The following SMC4 variants were observed in gnomAD, a reference collection of about 807,000 sequenced individuals.
The protein encoded by SMC4 is structural maintenance of chromosomes protein 4.
SMC4 carries 87 observed loss-of-function variants against 145.6 expected under a neutral mutation model. The observed-to-expected ratio is 0.60, with a 90% CI of 0.50 to 0.71. The LOEUF (loss-of-function observed/expected upper bound fraction) is 0.71. Ranked by LOEUF, SMC4 falls within the 30% of genes least tolerant of loss-of-function variation. SMC4 has a pLI of 0.00. For missense variants in SMC4, 1,447 were observed against 1,537.1 expected (o/e 0.94, Z 0.98); for synonymous variants, 558 against 500.7 (o/e 1.11, Z -1.53).
intron 19 of SMC4, 80 bp downstream of exon 19, chr3:160,430,823 G>A: frequency 6.8e-7 from 1 of 1,462,290 alleles, no homozygotes; most frequent in Non-Finnish European, 9.2e-7. Context: ...ACAGTGCCTA[G>A]AATGTAGTAA....
chr3:160,423,686 T>TC (rs773862045), intron 14 of SMC4, 36 bp downstream of exon 14: 46 of 1,593,474 alleles, frequency 2.9e-5, no homozygotes, highest in Middle Eastern at 3.4e-4. Flanking sequence ...TGTTTTTTTT[T>TC]CCCCCCACAG....
At chr3:160,408,483 A>G (rs1715597407) in intron 5 of SMC4, among the ~76,000 whole-genome samples, 1 of 152,244 alleles carries the variant, frequency 6.6e-6, no homozygotes, top group African/African-American at 2.4e-5. Context: ...AAATAGAGAT[A>G]ACACTGGGAA....
intron 20 of SMC4, among the ~76,000 whole-genome samples, chr3:160,431,407 T>C (rs1032863085): frequency 1.4e-4 from 22 of 152,170 alleles, no homozygotes; most frequent in Non-Finnish European, 2.8e-4. Context: ...GAGTAACGAT[T>C]AGAATTAGAC....
At chr3:160,423,349 G>GTTTTTTTTT (rs369027493) in intron 13 of SMC4, 76 bp from the exon 14 acceptor site, 2 of 809,794 alleles carry the variant, frequency 2.5e-6, no homozygotes, top group African/African-American at 4.4e-5. Context: ...ATTCCTATGG[G>GTTTTTTTTT]TTTTTTTTTG....
intron 1 of SMC4, 30 bp from the exon 2 acceptor site, chr3:160,400,792 G>T: frequency 6.8e-7 from 1 of 1,479,582 alleles, no homozygotes; most frequent in Non-Finnish European, 8.9e-7. Context: ...CCCGCGGGCT[G>T]ACTTGCTCCC....
intron 11 of SMC4, among the ~76,000 whole-genome samples, chr3:160,418,301 A>G (rs753837440): frequency 2.0e-5 from 3 of 152,250 alleles, no homozygotes; most frequent in Non-Finnish European, 2.9e-5. Context: ...TGAATATACA[A>G]ACAACTATCT....
chr3:160,421,024 G>T (rs753034706), intron 13 of SMC4, 123 bp downstream of exon 13: 51 of 679,560 alleles, frequency 7.5e-5, no homozygotes, highest in Non-Finnish European at 9.6e-5. Flanking sequence ...CCGCCTCCCG[G>T]GTTCACACCA....
chr3:160,403,286 C>T (rs1345806919), intron 4 of SMC4, among the ~76,000 whole-genome samples: 1 of 152,116 alleles, frequency 6.6e-6, no homozygotes, highest in Non-Finnish European at 1.5e-5. Context: ...TTAGTGGCCC[C>T]TGAGTATCTG....
chr3:160,419,605 T>C, intron 12 of SMC4, 62 bp downstream of exon 12: 1 of 1,497,930 alleles, frequency 6.7e-7, no homozygotes, highest in South Asian at 1.3e-5. Context: ...GTAACTTATT[T>C]TTTTGCCTTG....
At chr3:160,401,445 G>A (rs180830709) in intron 2 of SMC4, among the ~76,000 whole-genome samples, 140 of 152,230 alleles carry the variant, frequency 9.2e-4, no homozygotes, top group Admixed American at 2.2e-3. Flanking sequence ...GTGAGTCCAG[G>A]AGTTGGGTGA....
intron 1 of SMC4, 92 bp from the exon 2 acceptor site, chr3:160,400,730 C>A: frequency 7.3e-7 from 1 of 1,373,406 alleles, no homozygotes. Flanking sequence ...GCGGGGCTCT[C>A]GGAAGCCGGT....
At chr3:160,419,273 T>C (rs1716914543) in intron 11 of SMC4, 85 bp from the exon 12 acceptor site, 6 of 846,494 alleles carry the variant, frequency 7.1e-6, no homozygotes, top group Admixed American at 3.3e-5. Flanking sequence ...TTTATTGTTA[T>C]TAAAGCATTA....
chr3:160,407,966 G>T (rs1042165271), intron 5 of SMC4, among the ~76,000 whole-genome samples: 7 of 151,970 alleles, frequency 4.6e-5, no homozygotes, highest in African/African-American at 1.7e-4. Flanking sequence ...AGCTTACAAA[G>T]ATCAAATTAG....
chr3:160,428,718 A>G (rs1215058934), intron 17 of SMC4, 35 bp from the exon 18 acceptor site: 3 of 1,549,742 alleles, frequency 1.9e-6, no homozygotes, highest in Non-Finnish European at 2.6e-6. Context: ...ATTAGCATAA[A>G]AACACAAATT....
intron 15 of SMC4, 55 bp downstream of exon 15, chr3:160,423,895 C>G (rs563121567): frequency 2.8e-6 from 4 of 1,443,724 alleles, no homozygotes; most frequent in Non-Finnish European, 3.8e-6. Flanking sequence ...ATAGCTTTAC[C>G]GAGGTATATA....
chr3:160,404,175 G>T (rs1715045044), intron 4 of SMC4, 153 bp from the exon 5 acceptor site: 2 of 615,564 alleles, frequency 3.2e-6, no homozygotes, highest in Non-Finnish European at 5.5e-6. Context: ...GCTAAGTTGG[G>T]TTATTAATGA....
intron 15 of SMC4, among the ~76,000 whole-genome samples, chr3:160,424,646 A>C (rs1313534655): frequency 6.6e-6 from 1 of 152,144 alleles, no homozygotes; most frequent in Non-Finnish European, 1.5e-5. Context: ...GTCTCTACTA[A>C]AAACACAAAA....
At chr3:160,401,540 G>C (rs968392158) in intron 2 of SMC4, among the ~76,000 whole-genome samples, 3 of 152,150 alleles carry the variant, frequency 2.0e-5, no homozygotes, top group Admixed American at 1.3e-4. Flanking sequence ...ACGGAGAATT[G>C]CATCTAGAGC....
At chr3:160,408,139 A>G (rs1055523230) in intron 5 of SMC4, among the ~76,000 whole-genome samples, 7 of 152,122 alleles carry the variant, frequency 4.6e-5, no homozygotes, top group African/African-American at 1.7e-4. Flanking sequence ...AATCACTGAA[A>G]CCCTCCTTCA....
Sources: allele counts gnomAD v4.1 joint callset (sites outside exome capture counted in the v4.1 genomes callset), GRCh38; gene constraint gnomAD v4.1.1; transcripts MANE v1.5; gene names NCBI Gene and HGNC (gene_info 2026-07-23, HGNC 2026-07-21).